The following TAF2 variants were observed in gnomAD, a reference collection of about 807,000 sequenced individuals.
TAF2 encodes the protein transcription initiation factor TFIID subunit 2.
In TAF2, 61 loss-of-function variants were observed where a neutral mutation model predicts 138.5. That is an observed-to-expected ratio of 0.44 (90% confidence interval 0.36 to 0.54). The LOEUF is 0.54. TAF2 is among the 20% of genes least tolerant of loss of function. The pLI is 0.00. For synonymous variants in TAF2, 475 were observed against 469.9 expected (o/e 1.01, Z -0.14); for missense variants, 1,090 against 1,427.9 (o/e 0.76, Z 3.81).
chr8:119,786,431 T>C (rs1181033262), intron 14 of TAF2, among the ~76,000 whole-genome samples: 5 of 152,182 alleles, frequency 3.3e-5, no homozygotes, highest in Non-Finnish European at 5.9e-5. Context: ...TTTTTTCTAG[T>C]ACCAAAAACT....
chr8:119,781,689 T>A (rs1822669725), intron 16 of TAF2, among the ~76,000 whole-genome samples: 1 of 151,294 alleles, frequency 6.6e-6, no homozygotes, highest in South Asian at 2.1e-4. Context: ...AAAAAAAAAA[T>A]TATTTTTCCT....
intron 3 of TAF2, among the ~76,000 whole-genome samples, chr8:119,815,690 T>C (rs1825414579): frequency 6.6e-6 from 1 of 151,088 alleles, no homozygotes; most frequent in African/African-American, 2.4e-5. Context: ...TCTGACAAAG[T>C]CTACATTTAA....
At chr8:119,779,331 T>C (rs553488749) in intron 17 of TAF2, among the ~76,000 whole-genome samples, 3 of 151,590 alleles carry the variant, frequency 2.0e-5, no homozygotes, top group Admixed American at 2.0e-4. Context: ...ATGCCTTATA[T>C]TGAATACTAC....
chr8:119,761,417 G>A (rs1460163675), intron 19 of TAF2, among the ~76,000 whole-genome samples: 2 of 152,062 alleles, frequency 1.3e-5, no homozygotes, highest in African/African-American at 4.8e-5. Context: ...TAATTTCTCA[G>A]AACATATCCC....
intron 3 of TAF2, among the ~76,000 whole-genome samples, chr8:119,811,655 A>C (rs1269572787): frequency 6.6e-6 from 1 of 151,518 alleles, no homozygotes; most frequent in East Asian, 1.9e-4. Flanking sequence ...AAATACAAAA[A>C]ATTAGCCGGG....
chr8:119,802,486 G>T (rs982052854), intron 5 of TAF2, among the ~76,000 whole-genome samples: 4 of 152,128 alleles, frequency 2.6e-5, no homozygotes, highest in Non-Finnish European at 5.9e-5. Flanking sequence ...ACTGAGTGCT[G>T]GTTAAGTTAG....
intron 2 of TAF2, among the ~76,000 whole-genome samples, chr8:119,821,595 G>T (rs1054243703): frequency 2.6e-5 from 4 of 152,150 alleles, no homozygotes; most frequent in Non-Finnish European, 5.9e-5. Flanking sequence ...TAGTGTCACC[G>T]TGAAAAGCAG....
chr8:119,785,909 T>G (rs752074759), intron 14 of TAF2, among the ~76,000 whole-genome samples: 1 of 152,188 alleles, frequency 6.6e-6, no homozygotes. Context: ...AATCAAATGT[T>G]ACCAATTTCC....
At chr8:119,780,983 T>C (rs1822608855) in intron 17 of TAF2, 70 bp downstream of exon 17, 1 of 1,426,658 alleles carries the variant, frequency 7.0e-7, no homozygotes, top group Admixed American at 2.2e-5. Context: ...AACACATCTA[T>C]TATTTGAACA....
At chr8:119,746,992 C>T in intron 22 of TAF2, 58 bp from the exon 23 acceptor site, 2 of 1,550,440 alleles carry the variant, frequency 1.3e-6, no homozygotes, top group Non-Finnish European at 1.8e-6. Flanking sequence ...TACATTTTAA[C>T]TGTCCCAGAA....
chr8:119,785,160 C>A (rs767162083), intron 15 of TAF2, 41 bp downstream of exon 15: 2 of 1,513,084 alleles, frequency 1.3e-6, no homozygotes, highest in East Asian at 2.3e-5. Context: ...GATGAGAATG[C>A]AGAAAGTATT....
chr8:119,820,539 A>T (rs1186132822), intron 2 of TAF2, among the ~76,000 whole-genome samples: 1 of 151,968 alleles, frequency 6.6e-6, no homozygotes, highest in Admixed American at 6.6e-5. Flanking sequence ...TAAAAAGTTA[A>T]CTTTTTACAG....
chr8:119,804,948 T>C (rs894205538), intron 4 of TAF2, among the ~76,000 whole-genome samples: 3 of 152,168 alleles, frequency 2.0e-5, no homozygotes, highest in Non-Finnish European at 2.9e-5. Flanking sequence ...ATTACAATCA[T>C]ATGCACTATC....
rs755622298 is a variant in TAF2, at chr8:119,789,784, G to C, written c.1414-38C>G. 2.8e-5 allele frequency: 45 copies of C among 1,586,372 alleles called. No homozygotes were observed. The East Asian group carries it at 1.0e-3, about 35-fold the overall frequency. On this transcript the variant is annotated intron_variant, in intron 11 of 25. Transcript: ENST00000378164. ...AATCATTTAGTAAATTCATATAACA[G>C]ATTCTTTTCAATTATATAGAATACT...
chr8:119,754,421 C>T (rs937576088), intron 22 of TAF2, among the ~76,000 whole-genome samples: 28 of 152,196 alleles, frequency 1.8e-4, no homozygotes, highest in African/African-American at 6.5e-4. Flanking sequence ...CGTGGTGGCT[C>T]ATGCCTGTAA....
intron 6 of TAF2, 71 bp from the exon 7 acceptor site, chr8:119,797,917 C>A: frequency 7.4e-7 from 1 of 1,342,968 alleles, no homozygotes; most frequent in South Asian, 1.2e-5. Flanking sequence ...TTCCTAAACA[C>A]CTCAACTATA....
intron 22 of TAF2, among the ~76,000 whole-genome samples, chr8:119,755,353 C>T (rs977503605): frequency 1.3e-5 from 2 of 151,924 alleles, no homozygotes; most frequent in Admixed American, 6.6e-5. Flanking sequence ...AAAAATTAGC[C>T]GGGCATGGTG....
chr8:119,795,788 G>A (rs1823783672), intron 8 of TAF2, among the ~76,000 whole-genome samples, 157 bp from the exon 9 acceptor site: 1 of 152,104 alleles, frequency 6.6e-6, no homozygotes, highest in Non-Finnish European at 1.5e-5. Flanking sequence ...CTTCCTCTGA[G>A]TTCTACTTGC....
rs937273226 is a variant in TAF2 at position 119,740,231 on chromosome 8, T to C, written c.3337+2303A>G. On this transcript the variant is annotated intron_variant, in intron 25 of 25. Coordinates refer to ENST00000378164, the MANE Select transcript of TAF2 (RefSeq NM_003184.4). ...AGTTATGCTTCCCACATGCCAAAAG[T>C]TGGAGCTCTGAGTGAATCTTCTCAC... Among the ~76,000 whole-genome samples, 5 of 152,138 alleles carry C rather than the reference T, an allele frequency of 3.3e-5. No individual in the cohort carries two copies. In the South Asian group the frequency reaches 8.3e-4, roughly 25 times the overall value.
Sources: gnomAD v4.1 joint callset for allele counts (sites outside exome capture counted in the v4.1 genomes callset) on GRCh38, gnomAD v4.1.1 for gene constraint, MANE v1.5 for transcripts, NCBI Gene and HGNC (gene_info 2026-07-23, HGNC 2026-07-21) for gene names.